PSMA8: variants seen among roughly 807,000 people sequenced by gnomAD.
The protein encoded by PSMA8 is proteasome subunit alpha-type 8.
Under a neutral mutation model 32.4 loss-of-function variants are expected in PSMA8, and 18 were observed. The ratio of observed to expected loss-of-function variants is 0.56; its 90% CI spans 0.38 to 0.82. The LOEUF (loss-of-function observed/expected upper bound fraction) is 0.82, where lower values mean the gene tolerates loss of function less well. Among genes scored for constraint, PSMA8 ranks in the 40% least tolerant of loss-of-function variants. PSMA8 has a pLI of 0.00. For synonymous variants in PSMA8, 104 were observed against 98.1 expected (o/e 1.06, Z -0.36); for missense variants, 298 against 300.7 (o/e 0.99, Z 0.07).
At chr18:26,157,899 A>G (rs987534544) in intron 3 of PSMA8, among the ~76,000 whole-genome samples, 3 of 152,196 alleles carry the variant, frequency 2.0e-5, no homozygotes, top group Admixed American at 6.5e-5. Flanking sequence ...TTTTAAGACT[A>G]TATGTAAATA....
intron 1 of PSMA8, among the ~76,000 whole-genome samples, chr18:26,140,404 TG>T (rs996493620): frequency 6.6e-6 from 1 of 152,224 alleles, no homozygotes; most frequent in African/African-American, 2.4e-5. Flanking sequence ...CTCTCTGCAC[TG>T]TGTTGCTGGG....
chr18:26,164,136 G>T (rs1440905597), intron 4 of PSMA8, among the ~76,000 whole-genome samples: 1 of 152,192 alleles, frequency 6.6e-6, no homozygotes, highest in Non-Finnish European at 1.5e-5. Flanking sequence ...TGATGGTGAT[G>T]AAAGCATGAC....
chr18:26,135,004 T>C (rs1384099459), intron 1 of PSMA8, among the ~76,000 whole-genome samples: 5 of 151,994 alleles, frequency 3.3e-5, no homozygotes, highest in African/African-American at 4.8e-5. Flanking sequence ...CCCAGCCTTG[T>C]AGAGGCTCAA....
intron 3 of PSMA8, among the ~76,000 whole-genome samples, chr18:26,155,938 A>T (rs1333672603): frequency 6.6e-6 from 1 of 152,236 alleles, no homozygotes; most frequent in Non-Finnish European, 1.5e-5. Flanking sequence ...TGTACGAGGA[A>T]CTCAAAGAAC....
At chr18:26,178,771 G>A (rs2055284629) in intron 4 of PSMA8, 59 bp from the exon 5 acceptor site, 7 of 1,495,892 alleles carry the variant, frequency 4.7e-6, no homozygotes, top group Non-Finnish European at 6.4e-6. Flanking sequence ...ACTTTACTTA[G>A]TAACCATAAA....
At chr18:26,177,324 A>C (rs572659903) in intron 4 of PSMA8, among the ~76,000 whole-genome samples, 3 of 152,238 alleles carry the variant, frequency 2.0e-5, no homozygotes, top group Non-Finnish European at 4.4e-5. Flanking sequence ...TACACAGGAC[A>C]GCCCTCACAA....
intron 1 of PSMA8, among the ~76,000 whole-genome samples, chr18:26,134,327 G>C (rs2054890868): frequency 6.6e-6 from 1 of 150,522 alleles, no homozygotes; most frequent in East Asian, 2.0e-4. Context: ...CGCAAAACTA[G>C]GGTGTGTGTG....
intron 1 of PSMA8, among the ~76,000 whole-genome samples, chr18:26,143,574 AG>A (rs796330107): frequency 8.5e-5 from 13 of 152,338 alleles, no homozygotes; most frequent in African/African-American, 3.1e-4. Flanking sequence ...AGCTTGTCGT[AG>A]ACCTTATTGT....
intron 2 of PSMA8, among the ~76,000 whole-genome samples, chr18:26,146,292 G>T (rs1598645217): frequency 6.6e-6 from 1 of 151,758 alleles, no homozygotes; most frequent in South Asian, 2.1e-4. Context: ...TACTCAGGAG[G>T]TCGAGGCAGG....
At chr18:26,155,213 C>T (rs763577848) in intron 3 of PSMA8, among the ~76,000 whole-genome samples, 1 of 151,518 alleles carries the variant, frequency 6.6e-6, no homozygotes. Flanking sequence ...CCAGCCTGGG[C>T]GACAGAGTGA....
intron 4 of PSMA8, among the ~76,000 whole-genome samples, chr18:26,174,021 T>C (rs1172474626): frequency 1.3e-5 from 2 of 152,190 alleles, no homozygotes; most frequent in Non-Finnish European, 2.9e-5. Flanking sequence ...TTTTGAAGCA[T>C]TAGTAATTCT....
chr18:26,148,704 T>C (rs189056203), intron 2 of PSMA8, among the ~76,000 whole-genome samples: 84 of 152,148 alleles, frequency 5.5e-4, no homozygotes, highest in African/African-American at 2.0e-3. Context: ...GGTATCCAAA[T>C]TGGGAGGGAA....
intron 4 of PSMA8, among the ~76,000 whole-genome samples, chr18:26,164,986 C>T (rs2055166427): frequency 6.6e-6 from 1 of 151,994 alleles, no homozygotes; most frequent in South Asian, 2.1e-4. Flanking sequence ...GGTACCATCT[C>T]GGCTTACTGC....
intron 4 of PSMA8, among the ~76,000 whole-genome samples, chr18:26,176,223 T>C (rs1356383402): frequency 6.6e-6 from 1 of 152,136 alleles, no homozygotes; most frequent in African/African-American, 2.4e-5. Context: ...CATTAAGAAT[T>C]GGAAGAAGTG....
intron 6 of PSMA8, among the ~76,000 whole-genome samples, chr18:26,187,197 T>C (rs2055362521): frequency 6.6e-6 from 1 of 152,056 alleles, no homozygotes; most frequent in Admixed American, 6.6e-5. Flanking sequence ...ATACAAAAAA[T>C]TAGCCGGGTG....
intron 1 of PSMA8, among the ~76,000 whole-genome samples, chr18:26,136,383 A>G (rs1265327867): frequency 6.6e-6 from 1 of 152,118 alleles, no homozygotes; most frequent in Admixed American, 6.5e-5. Context: ...TGTATTTCCT[A>G]CTTTATCAAA....
At chr18:26,136,430 A>T (rs557893166) in intron 1 of PSMA8, among the ~76,000 whole-genome samples, 4 of 152,286 alleles carry the variant, frequency 2.6e-5, no homozygotes, top group African/African-American at 9.6e-5. Context: ...AGTCTTCCAT[A>T]ATCCTATCCA....
At chr18:26,173,213 C>A (rs1323896119) in intron 4 of PSMA8, among the ~76,000 whole-genome samples, 3 of 152,174 alleles carry the variant, frequency 2.0e-5, no homozygotes, top group Non-Finnish European at 4.4e-5. Flanking sequence ...TTAACTCCTC[C>A]GTTGCTTTCC....
At chr18:26,147,604 C>G (rs2055014398) in intron 2 of PSMA8, among the ~76,000 whole-genome samples, 4 of 152,302 alleles carry the variant, frequency 2.6e-5, no homozygotes, top group African/African-American at 9.6e-5. Flanking sequence ...TCCCTGATGA[C>G]TCTTTCCCCT....
Sources: allele counts gnomAD v4.1 joint callset (sites outside exome capture counted in the v4.1 genomes callset), GRCh38; gene constraint gnomAD v4.1.1; transcripts MANE v1.5; gene names NCBI Gene and HGNC (gene_info 2026-07-23, HGNC 2026-07-21).